Variants in NSG2 observed in about 807,000 individuals in gnomAD.
NSG2 encodes neuronal vesicle trafficking-associated protein 2.
Under a neutral mutation model 16.9 loss-of-function variants are expected in NSG2, and 4 were observed. The ratio of observed to expected loss-of-function variants is 0.24; its 90% confidence interval spans 0.12 to 0.54. The LOEUF (loss-of-function observed/expected upper bound fraction) is 0.54. Among genes scored for constraint, NSG2 ranks in the 20% least tolerant of loss-of-function variants. NSG2 has a pLI of 0.95. For synonymous variants in NSG2, 98 were observed against 88.7 expected (o/e 1.11, Z -0.59); for missense variants, 179 against 221.1 (o/e 0.81, Z 1.21).
chr5:174,106,116 T>G (rs1193783985), intron 4 of NSG2, among the ~76,000 whole-genome samples: 2 of 151,792 alleles, frequency 1.3e-5, no homozygotes, highest in Non-Finnish European at 2.9e-5. Context: ...GGGAGGAGAG[T>G]GCTATTTGCT....
intron 3 of NSG2, chr5:174,091,432 G>A (rs1197751929): frequency 6.6e-6 from 1 of 152,490 alleles, no homozygotes; most frequent in African/African-American, 2.4e-5. Context: ...TGGACTGCTA[G>A]GGCAGGCTGA....
At chr5:174,073,501 A>AT (rs1760278715) in intron 3 of NSG2, among the ~76,000 whole-genome samples, 1 of 152,156 alleles carries the variant, frequency 6.6e-6, no homozygotes, top group Admixed American at 6.5e-5. Context: ...TTTCATGTTT[A>AT]TTATTTCACT....
chr5:174,089,315 G>T (rs891160934), intron 3 of NSG2, among the ~76,000 whole-genome samples: 1 of 152,124 alleles, frequency 6.6e-6, no homozygotes, highest in Non-Finnish European at 1.5e-5. Flanking sequence ...GCCCACCTTC[G>T]CCCCAAAGAG....
chr5:174,066,394 C>T, intron 3 of NSG2: 1 of 401,762 alleles, frequency 2.5e-6, no homozygotes, highest in Non-Finnish European at 5.1e-6. Flanking sequence ...GAAATATTCC[C>T]AGGTTCACAT....
intron 2 of NSG2, among the ~76,000 whole-genome samples, chr5:174,060,239 T>G (rs1287829649): frequency 6.6e-6 from 1 of 152,170 alleles, no homozygotes; most frequent in Admixed American, 6.5e-5. Context: ...TGTCTCAACA[T>G]GTTGGTTAGA....
chr5:174,047,707 A>C (rs1220896871), intron 2 of NSG2, among the ~76,000 whole-genome samples: 1 of 152,214 alleles, frequency 6.6e-6, no homozygotes, highest in Admixed American at 6.5e-5. Flanking sequence ...CTGACATGGG[A>C]GTAGTCCATG....
chr5:174,067,849 G>A (rs532175255), intron 3 of NSG2, among the ~76,000 whole-genome samples: 3 of 152,254 alleles, frequency 2.0e-5, no homozygotes, highest in Non-Finnish European at 2.9e-5. Flanking sequence ...GTTGGAGGAA[G>A]GGCATTGGGG....
At position 174,107,421 on chromosome 5, in the gene NSG2, G is replaced by A. The variant is rs141991920; in HGVS notation, c.432G>A (p.Gln144=). 5.2e-3 allele frequency: 8,329 copies of A among 1,613,062 alleles called. 27 individuals are homozygous for A. Among genetic ancestry groups the A allele is most frequent in the Non-Finnish European group, 6.4e-3 (7,531 of 1,179,158 alleles). The change falls in exon 5 of 5, where the codon CAG becomes CAA. Residue 144 remains glutamine (Q), a synonymous_variant. Coordinates refer to ENST00000303177, the MANE Select transcript of NSG2 (RefSeq NM_015980.5). This position sits in a 1 kb window ranked among gnomAD's most constrained non-coding sequence, Gnocchi z 4.5. The part of the protein sequence containing the change: ...TVISHYSVAK[Q]STARAIGPWL... ...TCAGCCACTACAGCGTGGCCAAGCA[G>A]AGCACTGCCCGGGCCATCGGGCCGT...
intron 3 of NSG2, among the ~76,000 whole-genome samples, chr5:174,080,971 C>G (rs1436845924): frequency 6.6e-6 from 1 of 151,872 alleles, no homozygotes; most frequent in Admixed American, 6.6e-5. Flanking sequence ...AAATTTATTC[C>G]AAAGTATTTT....
intron 2 of NSG2, among the ~76,000 whole-genome samples, chr5:174,050,313 T>TA (rs1435170750): frequency 1.3e-5 from 2 of 152,214 alleles, no homozygotes; most frequent in African/African-American, 4.8e-5. Flanking sequence ...CCTTTAGTAG[T>TA]ATGAAATCTG....
rs1032953575 is a variant in NSG2, at chr5:174,054,367, T to C, written c.129+7483T>C. On this transcript the variant is annotated intron_variant, in intron 2 of 4. Coordinates refer to ENST00000303177, the MANE Select transcript of NSG2 (RefSeq NM_015980.5). ...CTTTTTTTGTTTTTAACCATAAGAATGCGTCGAATTTTATTCATCTGTTTT... is the reference window on the plus strand; with the variant it reads ...CTTTTTTTGTTTTTAACCATAAGAACGCGTCGAATTTTATTCATCTGTTTT... Among the ~76,000 whole-genome samples the C allele has an allele frequency of 3.9e-5, 6 of 152,334 alleles. 1 individual carries two copies. Among genetic ancestry groups the C allele is most frequent in the East Asian group, 1.9e-4 (1 of 5,186 alleles).
At chr5:174,065,514 T>G (rs1760125385) in intron 3 of NSG2, among the ~76,000 whole-genome samples, 1 of 152,100 alleles carries the variant, frequency 6.6e-6, no homozygotes, top group African/African-American at 2.4e-5. Context: ...AGAAGGGACA[T>G]GATTACATTT....
intron 3 of NSG2, among the ~76,000 whole-genome samples, chr5:174,080,927 G>A (rs905434836): frequency 6.6e-6 from 1 of 151,834 alleles, no homozygotes; most frequent in Non-Finnish European, 1.5e-5. Context: ...ATCACTTTCA[G>A]TTGAGCTGTA....
intron 3 of NSG2, among the ~76,000 whole-genome samples, chr5:174,098,798 G>A (rs1015933361): frequency 1.8e-4 from 27 of 152,180 alleles, no homozygotes; most frequent in Admixed American, 1.5e-3. Context: ...CTGAGTGAGT[G>A]GATGAGGGGA....
intron 2 of NSG2, among the ~76,000 whole-genome samples, chr5:174,063,615 TA>T (rs535605961): frequency 6.3e-4 from 95 of 151,928 alleles, no homozygotes; most frequent in Middle Eastern, 3.4e-3. Flanking sequence ...ACATGGTATA[TA>T]TATTTTTGGG....
At chr5:174,079,149 C>T (rs936739918) in intron 3 of NSG2, among the ~76,000 whole-genome samples, 5 of 152,182 alleles carry the variant, frequency 3.3e-5, no homozygotes, top group African/African-American at 9.7e-5. Context: ...TGCTCCTCCC[C>T]GTGTGCTGGC....
In NSG2 at chr5:174,107,681, C is replaced by T. The variant is rs151176098; in HGVS notation, c.*176C>T. 16 of 729,806 alleles carry T rather than the reference C, an allele frequency of 2.2e-5. No homozygotes were observed. The highest frequency in any genetic ancestry group is 1.3e-4 in the East Asian group (5 of 37,422). The allele number at this position is 729,806 out of a possible 1,614,324, so 45.2% of individuals were successfully genotyped here. ...TGGTGTGTGCTGGAGTTGTCTGAAC[C>T]GATATTTCTTTTTGTTCCTTGGTAT... On this transcript the variant is annotated 3_prime_UTR_variant, in exon 5 of 5. Coordinates refer to ENST00000303177, the MANE Select transcript of NSG2 (RefSeq NM_015980.5). This position sits in a 1 kb window ranked among gnomAD's most constrained non-coding sequence, Gnocchi z 4.5.
At position 174,107,171 on chromosome 5, in the gene NSG2, G is replaced by A. The variant is rs1039418002; in HGVS notation, c.325-143G>A. ...GTGCTGGTGTTGGGAAGGCTGCTGC[G>A]TGCCAGGCCCAGGTCAGGAGCTGTC... On this transcript the variant is annotated intron_variant, in intron 4 of 4. Coordinates refer to ENST00000303177, the MANE Select transcript of NSG2 (RefSeq NM_015980.5). The surrounding 1 kb of genome is among the most constrained non-coding windows in gnomAD (Gnocchi z 4.5). 9 of 614,524 alleles carry A rather than the reference G, an allele frequency of 1.5e-5. No homozygotes were observed. The highest frequency in any genetic ancestry group is 3.7e-5 in the African/African-American group (2 of 53,898). The allele number at this position is 614,524 out of a possible 1,614,324, so 38.1% of individuals were successfully genotyped here.
chr5:174,064,777 A>G (rs1211859660), intron 3 of NSG2, among the ~76,000 whole-genome samples: 1 of 152,136 alleles, frequency 6.6e-6, no homozygotes, highest in Non-Finnish European at 1.5e-5. Flanking sequence ...GGCCGCGAGG[A>G]GCACTGGAGA....
Sources: allele counts gnomAD v4.1 joint callset (sites outside exome capture counted in the v4.1 genomes callset), GRCh38; gene constraint gnomAD v4.1.1; non-coding constraint Gnocchi (gnomAD v3.1); transcripts MANE v1.5; gene names NCBI Gene and HGNC (gene_info 2026-07-23, HGNC 2026-07-21).